SLC9A9: variants seen among roughly 807,000 people sequenced by gnomAD.
SLC9A9 encodes solute carrier family 9 member A9.
SLC9A9 carries 62 observed loss-of-function variants against 77.8 expected under a neutral mutation model. That is an observed-to-expected ratio of 0.80 (90% CI 0.65 to 0.98). The LOEUF (loss-of-function observed/expected upper bound fraction) is 0.98. Ranked by LOEUF, SLC9A9 falls within the 50% of genes least tolerant of loss-of-function variation. The pLI is 0.00. For missense variants in SLC9A9, 775 were observed against 774.9 expected, an observed-to-expected ratio of 1.00 and a Z score of 0.00; for synonymous variants, 320 against 283.5, an observed-to-expected ratio of 1.13 and a Z score of -1.29.
intron 14 of SLC9A9, among the ~76,000 whole-genome samples, chr3:143,324,829 A>G (rs567191956): frequency 3.2e-4 from 49 of 152,248 alleles, no homozygotes; most frequent in African/African-American, 1.1e-3. Context: ...TTTTAAAAAA[A>G]CAGTAGCTTA....
Position 143,345,997 on chromosome 3 carries a change from T to C in SLC9A9, c.1604+17487A>G, listed in dbSNP as rs147000839. ...TAGAAGGAGGAAAATAAATGTCCTC[T>C]TTAAAGCTACTGAATGCAAAGATTT... On this transcript the variant is annotated intron_variant, in intron 14 of 15. Coordinates refer to ENST00000316549, the MANE Select transcript of SLC9A9 (RefSeq NM_173653.4). 7.0e-3 allele frequency among the ~76,000 whole-genome samples: 1,069 copies of C among 152,302 alleles called. 11 individuals are homozygous for C. The highest frequency in any genetic ancestry group is 0.025 in the African/African-American group (1,025 of 41,566).
intron 4 of SLC9A9, among the ~76,000 whole-genome samples, chr3:143,703,104 A>G (rs1179132235): frequency 1.3e-5 from 2 of 152,070 alleles, no homozygotes; most frequent in African/African-American, 4.8e-5. Flanking sequence ...AGTGAGATAG[A>G]CCCCAATACA....
intron 4 of SLC9A9, among the ~76,000 whole-genome samples, chr3:143,720,249 A>AT (rs148692088): frequency 0.12 from 17,422 of 149,610 alleles, 1,258 homozygotes; most frequent in South Asian, 0.25. Context: ...TTATATATAT[A>AT]TATTTTTTTT....
chr3:143,431,470 A>G (rs1195469965), intron 12 of SLC9A9, among the ~76,000 whole-genome samples: 59 of 144,202 alleles, frequency 4.1e-4, no homozygotes, highest in Non-Finnish European at 7.5e-5. Flanking sequence ...GAAATCCTCC[A>G]GTAGCTGCCC....
At chr3:143,652,143 T>C in intron 6 of SLC9A9, 112 bp downstream of exon 6, 1 of 847,296 alleles carries the variant, frequency 1.2e-6, no homozygotes, top group South Asian at 1.5e-5. Flanking sequence ...GTGATAACAA[T>C]TCCTTGAAAA....
At chr3:143,400,318 C>G (rs983992643) in intron 12 of SLC9A9, among the ~76,000 whole-genome samples, 51 of 151,952 alleles carry the variant, frequency 3.4e-4, no homozygotes, top group Non-Finnish European at 6.2e-4. Flanking sequence ...TTTATGCTTA[C>G]AAATTAAAAG....
At chr3:143,292,846 G>T (rs192690772) in intron 14 of SLC9A9, among the ~76,000 whole-genome samples, 2 of 152,154 alleles carry the variant, frequency 1.3e-5, no homozygotes, top group East Asian at 3.8e-4. Flanking sequence ...CCCTCTGCAC[G>T]TTGATGACAC....
chr3:143,399,800 G>A (rs1040356254), intron 12 of SLC9A9, among the ~76,000 whole-genome samples: 11 of 152,084 alleles, frequency 7.2e-5, no homozygotes, highest in African/African-American at 1.7e-4. Flanking sequence ...CCACACTATC[G>A]ACATCCTAAA....
At chr3:143,617,018 G>C (rs1349314082) in intron 6 of SLC9A9, among the ~76,000 whole-genome samples, 1 of 152,108 alleles carries the variant, frequency 6.6e-6, no homozygotes, top group East Asian at 1.9e-4. Flanking sequence ...AGCCAAGAGG[G>C]CACCTAACAC....
chr3:143,633,372 C>T (rs546149622), intron 6 of SLC9A9, among the ~76,000 whole-genome samples: 27 of 152,192 alleles, frequency 1.8e-4, no homozygotes, highest in South Asian at 6.2e-4. Context: ...ATATGCATTG[C>T]TATACAGATA....
intron 4 of SLC9A9, among the ~76,000 whole-genome samples, chr3:143,719,506 C>A (rs1934440351): frequency 6.6e-6 from 1 of 151,906 alleles, no homozygotes; most frequent in East Asian, 1.9e-4. Flanking sequence ...TTGCCTTTGC[C>A]CCAATTAATT....
chr3:143,497,624 T>G (rs975591909), intron 9 of SLC9A9, among the ~76,000 whole-genome samples: 4 of 152,196 alleles, frequency 2.6e-5, no homozygotes, highest in African/African-American at 9.7e-5. Flanking sequence ...AGAAGCCAGT[T>G]CCTGATAACA....
chr3:143,703,654 C>T lies in SLC9A9; in HGVS notation c.534-10347G>A, dbSNP rs181056290. ...TAAACAACCTAATGATGTATCTTAA[C>T]GAACCAGAAAAGAAAGAGCGAACCA... On this transcript the variant is annotated intron_variant, in intron 4 of 15. Transcript: ENST00000316549. Among the ~76,000 whole-genome samples, 92 of 151,802 alleles carry T rather than the reference C, an allele frequency of 6.1e-4. No individual in the cohort carries two copies. The East Asian group carries it at 0.013, about 22-fold the overall frequency.
chr3:143,284,614 T>G (rs920390693), intron 14 of SLC9A9, among the ~76,000 whole-genome samples: 2 of 152,114 alleles, frequency 1.3e-5, no homozygotes, highest in African/African-American at 2.4e-5. Flanking sequence ...AAAATATAAT[T>G]TCTTTGTAGA....
intron 9 of SLC9A9, among the ~76,000 whole-genome samples, chr3:143,496,987 A>G (rs570205194): frequency 1.3e-5 from 2 of 152,232 alleles, no homozygotes; most frequent in South Asian, 4.1e-4. Flanking sequence ...AGAGATCATC[A>G]CTTTTGTGTT....
intron 12 of SLC9A9, among the ~76,000 whole-genome samples, chr3:143,392,027 G>A (rs1284851182): frequency 9.5e-6 from 1 of 105,206 alleles, no homozygotes; most frequent in Non-Finnish European, 2.5e-5. Flanking sequence ...AAAACACTCT[G>A]CAGGATATTA....
intron 4 of SLC9A9, among the ~76,000 whole-genome samples, chr3:143,756,894 A>G (rs2006944749): frequency 6.6e-6 from 1 of 152,178 alleles, no homozygotes; most frequent in Non-Finnish European, 1.5e-5. Context: ...CTCTTAATTG[A>G]TCTCTTAAAT....
At chr3:143,583,640 T>C (rs2037492876) in intron 6 of SLC9A9, among the ~76,000 whole-genome samples, 2 of 152,224 alleles carry the variant, frequency 1.3e-5, no homozygotes, top group African/African-American at 4.8e-5. Context: ...ATGACAATAA[T>C]AGTACCAACC....
intron 2 of SLC9A9, among the ~76,000 whole-genome samples, chr3:143,807,987 C>T (rs936105065): frequency 6.6e-6 from 1 of 152,176 alleles, no homozygotes; most frequent in Non-Finnish European, 1.5e-5. Context: ...TCTGCAGAAT[C>T]CCGGTGAGAG....
Sources: gnomAD v4.1 joint callset for allele counts (sites outside exome capture counted in the v4.1 genomes callset) on GRCh38, gnomAD v4.1.1 for gene constraint, MANE v1.5 for transcripts, NCBI Gene and HGNC (gene_info 2026-07-23, HGNC 2026-07-21) for gene names.